The following SPOPL variants were observed in gnomAD, a reference collection of about 807,000 sequenced individuals.
SPOPL encodes the protein speckle-type POZ protein-like.
In SPOPL, 23 loss-of-function variants were observed where a neutral mutation model predicts 53.8. The ratio of observed to expected loss-of-function variants is 0.43; its 90% CI spans 0.31 to 0.61. The LOEUF (loss-of-function observed/expected upper bound fraction) is 0.61, where lower values mean the gene tolerates loss of function less well. SPOPL is among the 20% of genes least tolerant of loss of function. The pLI is 0.12. For missense variants in SPOPL, 442 were observed against 466.9 expected, an observed-to-expected ratio of 0.95 and a Z score of 0.49; for synonymous variants, 164 against 149.7, an observed-to-expected ratio of 1.10 and a Z score of -0.70.
rs574133434 is a variant in SPOPL, at chr2:138,569,305, A to G, written c.*225A>G. ...TCAAGGCCTTAAATTATCTTCAATG[A>G]CTTGTCTTGTTCATATAATACTTTA... On this transcript the variant is annotated 3_prime_UTR_variant, in exon 11 of 11. Coordinates refer to ENST00000280098, the MANE Select transcript of SPOPL (RefSeq NM_001001664.3). 24 of 481,224 alleles carry G rather than the reference A, an allele frequency of 5.0e-5. 1 individual carries two copies. In the East Asian group the frequency reaches 7.4e-4, roughly 15 times the overall value. 29.8% of individuals were successfully genotyped at this position (481,224 alleles called of 1,614,324 possible).
intron 1 of SPOPL, among the ~76,000 whole-genome samples, chr2:138,529,498 C>CTCTG (rs1245892340): frequency 6.8e-6 from 1 of 147,584 alleles, no homozygotes; most frequent in African/African-American, 2.5e-5. Flanking sequence ...ATGCATGTGC[C>CTCTG]TGTGTGTGTG....
intron 1 of SPOPL, among the ~76,000 whole-genome samples, chr2:138,549,691 A>G (rs1685272548): frequency 6.6e-6 from 1 of 152,124 alleles, no homozygotes; most frequent in Non-Finnish European, 1.5e-5. Flanking sequence ...TGCCTGTTAC[A>G]TTCCATTCTA....
chr2:138,561,651 A>C (rs1209221736), intron 8 of SPOPL, among the ~76,000 whole-genome samples: 1 of 152,192 alleles, frequency 6.6e-6, no homozygotes, highest in Admixed American at 6.5e-5. Flanking sequence ...TGAATCTATG[A>C]CTGTCTCAAT....
At chr2:138,546,998 C>T (rs892135875) in intron 1 of SPOPL, among the ~76,000 whole-genome samples, 6 of 152,142 alleles carry the variant, frequency 3.9e-5, no homozygotes, top group South Asian at 2.1e-4. Flanking sequence ...TGGAGTCTCA[C>T]TCTGTTGCCC....
chr2:138,526,408 T>G (rs1190833981), intron 1 of SPOPL, among the ~76,000 whole-genome samples: 1 of 152,174 alleles, frequency 6.6e-6, no homozygotes, highest in Admixed American at 6.5e-5. Context: ...AATGAGACAT[T>G]CGTGTAAAAG....
At chr2:138,530,443 A>G (rs1417696098) in intron 1 of SPOPL, among the ~76,000 whole-genome samples, 1 of 152,172 alleles carries the variant, frequency 6.6e-6, no homozygotes, top group Non-Finnish European at 1.5e-5. Flanking sequence ...GTCTGCATAT[A>G]TTGAAATTGA....
At chr2:138,524,743 C>G (rs1223255050) in intron 1 of SPOPL, among the ~76,000 whole-genome samples, 2 of 152,202 alleles carry the variant, frequency 1.3e-5, no homozygotes, top group Non-Finnish European at 2.9e-5. Flanking sequence ...TAGTTCCTAA[C>G]ACATTCCTCA....
intron 5 of SPOPL, among the ~76,000 whole-genome samples, chr2:138,553,698 T>C (rs1017596458): frequency 6.6e-6 from 1 of 152,132 alleles, no homozygotes; most frequent in African/African-American, 2.4e-5. Context: ...TAATTGCATC[T>C]TATTTTTTAC....
intron 1 of SPOPL, among the ~76,000 whole-genome samples, chr2:138,542,557 T>C (rs377047491): frequency 6.6e-6 from 1 of 152,084 alleles, no homozygotes; most frequent in Non-Finnish European, 1.5e-5. Context: ...AGGATTGCAA[T>C]CCCTGCCTTT....
intron 1 of SPOPL, among the ~76,000 whole-genome samples, chr2:138,509,216 T>C (rs1684277449): frequency 6.6e-6 from 1 of 152,184 alleles, no homozygotes; most frequent in Admixed American, 6.5e-5. Flanking sequence ...CGAATATATT[T>C]AGAAAATACT....
chr2:138,558,247 A>G (rs1380650895), intron 5 of SPOPL, among the ~76,000 whole-genome samples: 1 of 152,234 alleles, frequency 6.6e-6, no homozygotes, highest in Non-Finnish European at 1.5e-5. Context: ...GTATGTGGTC[A>G]TCTTTTATGG....
At chr2:138,536,962 A>T (rs73959467) in intron 1 of SPOPL, among the ~76,000 whole-genome samples, 2,893 of 152,226 alleles carry the variant, frequency 0.019, 88 homozygotes, top group African/African-American at 0.065. Flanking sequence ...AGTTCTTCTT[A>T]TCTTCACGCT....
At chr2:138,526,707 A>C (rs1484839008) in intron 1 of SPOPL, among the ~76,000 whole-genome samples, 1 of 149,950 alleles carries the variant, frequency 6.7e-6, no homozygotes, top group Admixed American at 6.8e-5. Flanking sequence ...TTTGGTCCTC[A>C]TTCTTAAATA....
intron 3 of SPOPL, 43 bp from the exon 4 acceptor site, chr2:138,550,860 C>T: frequency 2.1e-6 from 3 of 1,458,358 alleles, no homozygotes; most frequent in South Asian, 1.3e-5. Flanking sequence ...GAATGCTTTT[C>T]AAGTATTATA....
chr2:138,561,317 TAG>T (rs977788312), intron 8 of SPOPL, among the ~76,000 whole-genome samples: 9 of 152,306 alleles, frequency 5.9e-5, no homozygotes, highest in East Asian at 1.9e-4. Flanking sequence ...TCTCTCCACA[TAG>T]AGATTGTTTT....
At chr2:138,515,843 T>C (rs1684425669) in intron 1 of SPOPL, among the ~76,000 whole-genome samples, 1 of 152,230 alleles carries the variant, frequency 6.6e-6, no homozygotes. Context: ...ATAACTGGCT[T>C]CATTTCTTAC....
chr2:138,554,462 G>A, intron 5 of SPOPL: 7 of 1,275,484 alleles, frequency 5.5e-6, no homozygotes, highest in Non-Finnish European at 6.2e-6. Flanking sequence ...GCTTGCAGAA[G>A]AGGAGGAAGC....
chr2:138,565,161 C>T lies in SPOPL; in HGVS notation c.1034+168C>T. ...TACTTAGTGGATTCCTGAGGCTATG[C>T]TCCCTTGTAGGTCAGCTTCTAATGC... On this transcript the variant is annotated intron_variant, in intron 10 of 10. Transcript: ENST00000280098. 3 of 831,956 alleles carry T rather than the reference C, an allele frequency of 3.6e-6. No individual in the cohort carries two copies. In the South Asian group the frequency reaches 5.3e-5, roughly 15 times the overall value. The allele number at this position is 831,956 out of a possible 1,614,324, so 51.5% of individuals were successfully genotyped here.
chr2:138,517,623 C>T (rs545524574), intron 1 of SPOPL, among the ~76,000 whole-genome samples: 1 of 151,914 alleles, frequency 6.6e-6, no homozygotes, highest in African/African-American at 2.4e-5. Flanking sequence ...GCCTGTAGTC[C>T]CAGGTACCTG....
Sources: allele counts gnomAD v4.1 joint callset (sites outside exome capture counted in the v4.1 genomes callset), GRCh38; gene constraint gnomAD v4.1.1; transcripts MANE v1.5; gene names NCBI Gene and HGNC (gene_info 2026-07-23, HGNC 2026-07-21).